The following BICRAL variants were observed in gnomAD, a reference collection of about 807,000 sequenced individuals.
The protein encoded by BICRAL is BRD4-interacting chromatin-remodeling complex-associated protein-like.
In BICRAL, 8 loss-of-function variants were observed where a neutral mutation model predicts 91.8. The observed-to-expected ratio is 0.09, with a 90% confidence interval of 0.05 to 0.16. The LOEUF is 0.16. Ranked by LOEUF, BICRAL falls within the 10% of genes least tolerant of loss-of-function variation. BICRAL has a pLI of 1.00. For synonymous variants in BICRAL, 445 were observed against 491.1 expected (o/e 0.91, Z 1.24); for missense variants, 1,038 against 1,310.9 (o/e 0.79, Z 3.21).
intron 1 of BICRAL, among the ~76,000 whole-genome samples, chr6:42,773,873 C>T (rs539745288): frequency 6.6e-6 from 1 of 152,246 alleles, no homozygotes; most frequent in East Asian, 1.9e-4. Context: ...TGGGCTTAAG[C>T]GATCAGAGCA....
chr6:42,758,912 G>T (rs531523958), intron 1 of BICRAL, among the ~76,000 whole-genome samples: 3 of 152,184 alleles, frequency 2.0e-5, no homozygotes, highest in Non-Finnish European at 2.9e-5. Context: ...GAGGCTAGGA[G>T]AGCTCCAGTG....
chr6:42,795,549 C>A (rs1763395127), intron 1 of BICRAL, among the ~76,000 whole-genome samples: 1 of 152,068 alleles, frequency 6.6e-6, no homozygotes, highest in Non-Finnish European at 1.5e-5. Context: ...AATAGATGTT[C>A]TATGTTTCAA....
In BICRAL at chr6:42,862,349, T is replaced by C. The variant is rs536579750; in HGVS notation, c.2350-161T>C. 2.6e-5 allele frequency among the ~76,000 whole-genome samples: 4 copies of C among 152,158 alleles called. No individual in the cohort carries two copies. In the East Asian group the frequency reaches 5.8e-4, roughly 22 times the overall value. On this transcript the variant is annotated intron_variant, in intron 11 of 12. Transcript: ENST00000314073. ...GATGCCTCCAGGGAGAGGCACTGGG[T>C]GATAGTGGGTGCACACCAGGGAGAG...
chr6:42,763,777 C>T (rs370783451), intron 1 of BICRAL, among the ~76,000 whole-genome samples: 4 of 151,102 alleles, frequency 2.6e-5, no homozygotes, highest in African/African-American at 7.3e-5. Context: ...GCCAAGATTA[C>T]ACCACTGCAC....
intron 8 of BICRAL, among the ~76,000 whole-genome samples, chr6:42,854,949 A>G (rs1270812870): frequency 2.0e-5 from 3 of 152,182 alleles, no homozygotes; most frequent in Admixed American, 6.6e-5. Context: ...ATGGAAGGAA[A>G]CATTTCTTGT....
chr6:42,835,766 T>C lies in BICRAL; in HGVS notation c.1839+5594T>C, dbSNP rs371618830. Among the ~76,000 whole-genome samples, 44 of 152,190 alleles carry C rather than the reference T, an allele frequency of 2.9e-4. No homozygotes were observed. The East Asian group carries it at 6.4e-3, about 22-fold the overall frequency. ...CTAGGTAACATGGTGAAACACTGTC[T>C]CTACAAAAAATACAAAAATTAGGTG... On this transcript the variant is annotated intron_variant, in intron 6 of 12. Transcript: ENST00000314073.
At chr6:42,806,451 A>G (rs1763708654) in intron 1 of BICRAL, among the ~76,000 whole-genome samples, 1 of 151,734 alleles carries the variant, frequency 6.6e-6, no homozygotes, top group South Asian at 2.1e-4. Context: ...GGCTCAAGCA[A>G]TCCTCTCACC....
chr6:42,826,083 T>A (rs920840813), intron 5 of BICRAL, among the ~76,000 whole-genome samples: 1 of 139,712 alleles, frequency 7.2e-6, no homozygotes, highest in African/African-American at 2.5e-5. Context: ...GACTCTTGTC[T>A]CAGGGGAAAA....
At chr6:42,852,254 A>C in intron 7 of BICRAL, 57 bp downstream of exon 7, 1 of 993,614 alleles carries the variant, frequency 1.0e-6, no homozygotes, top group Non-Finnish European at 1.6e-6. Context: ...TGCTCTTCTC[A>C]CTTTTCTCCC....
chr6:42,777,292 G>T (rs1762820595), upstream of BICRAL, among the ~76,000 whole-genome samples: 1 of 152,272 alleles, frequency 6.6e-6, no homozygotes, highest in South Asian at 2.1e-4. Context: ...TCTCAGAGGT[G>T]GGTACTATAA....
In BICRAL at chr6:42,829,767, T is replaced by C. The variant is rs775170100; in HGVS notation, c.1434T>C (p.Phe478=). Residue 478 remains phenylalanine, a synonymous_variant, in exon 6 of 13, where the codon TTT becomes TTC. Coordinates refer to ENST00000314073, the MANE Select transcript of BICRAL (RefSeq NM_001393499.1). ...TAVHLVSGQT[F]AASGSPVIAN... ...TCCACTTAGTGTCTGGGCAGACATT[T>C]GCTGCCTCTGGAAGTCCAGTGATAG... The C allele has an allele frequency of 6.2e-7, 1 of 1,614,154 alleles. No homozygotes were observed. Among genetic ancestry groups the C allele is most frequent in the South Asian group, 1.1e-5 (1 of 91,084 alleles).
chr6:42,766,932 C>T (rs949671610), intron 1 of BICRAL, among the ~76,000 whole-genome samples: 9 of 151,636 alleles, frequency 5.9e-5, no homozygotes, highest in African/African-American at 1.7e-4. Flanking sequence ...CCCAGCTACT[C>T]GCGAGGCTGA....
chr6:42,853,841 C>A, intron 8 of BICRAL, 103 bp downstream of exon 8: 1 of 800,660 alleles, frequency 1.2e-6, no homozygotes, highest in South Asian at 1.6e-5. Context: ...TGTGCACAGT[C>A]CACCCAGTCC....
intron 2 of BICRAL, among the ~76,000 whole-genome samples, chr6:42,818,666 T>A (rs1287416252): frequency 6.6e-6 from 1 of 151,826 alleles, no homozygotes; most frequent in East Asian, 1.9e-4. Flanking sequence ...AAAAAAAAAA[T>A]TCTCCCATGA....
At chr6:42,755,353 G>A (rs1162954203) in intron 1 of BICRAL, among the ~76,000 whole-genome samples, 1 of 152,156 alleles carries the variant, frequency 6.6e-6, no homozygotes, top group Non-Finnish European at 1.5e-5. Context: ...AGGAGCTGGG[G>A]TATCCCTGGA....
intron 6 of BICRAL, among the ~76,000 whole-genome samples, chr6:42,847,270 T>G (rs1765039727): frequency 6.6e-6 from 1 of 152,150 alleles, no homozygotes; most frequent in African/African-American, 2.4e-5. Context: ...CAACAATGAA[T>G]AAACCTCTCA....
At chr6:42,820,710 G>A (rs1764112718) in intron 2 of BICRAL, among the ~76,000 whole-genome samples, 1 of 152,112 alleles carries the variant, frequency 6.6e-6, no homozygotes, top group South Asian at 2.1e-4. Context: ...TCACCTTTTG[G>A]TATCTTTTCC....
At chr6:42,766,857 A>G (rs141710676) in intron 1 of BICRAL, among the ~76,000 whole-genome samples, 2,136 of 152,130 alleles carry the variant, frequency 0.014, 59 homozygotes, top group African/African-American at 0.048. Flanking sequence ...TGGCTAACAC[A>G]GTGAAACCTC....
intron 10 of BICRAL, among the ~76,000 whole-genome samples, chr6:42,858,578 G>A: frequency 6.6e-6 from 1 of 150,676 alleles, no homozygotes. Context: ...AGCACTTTGG[G>A]AAGCTGAGGT....
Sources: allele counts gnomAD v4.1 joint callset (sites outside exome capture counted in the v4.1 genomes callset), GRCh38; gene constraint gnomAD v4.1.1; transcripts MANE v1.5; gene names NCBI Gene and HGNC (gene_info 2026-07-23, HGNC 2026-07-21).